AK8: variants seen among roughly 807,000 people sequenced by gnomAD.
AK8 encodes adenylate kinase 8.
In AK8, 44 loss-of-function variants were observed where a neutral mutation model predicts 54.6. The observed-to-expected ratio is 0.81, with a 90% confidence interval of 0.63 to 1.04. The LOEUF (loss-of-function observed/expected upper bound fraction) is 1.04. Among genes scored for constraint, AK8 ranks in the 50% least tolerant of loss-of-function variants. The probability of loss-of-function intolerance (pLI) is 0.00; values close to 1 mark genes in which losing one functional copy is unlikely to be tolerated. For synonymous variants in AK8, 239 were observed against 245.6 expected (o/e 0.97, Z 0.25); for missense variants, 555 against 613.6 (o/e 0.90, Z 1.01).
rs985585093 is a variant in AK8, at chr9:132,799,534, G to C, written c.980-6759C>G. ...ATACATGTCTACACACACGACACCT[G>C]ACACACTACAACACACACAGGCACG... On this transcript the variant is annotated intron_variant, in intron 10 of 12. Coordinates refer to ENST00000298545, the MANE Select transcript of AK8 (RefSeq NM_152572.3). The surrounding 1 kb of genome is among the most constrained non-coding windows in gnomAD (Gnocchi z 5.0). Among the ~76,000 whole-genome samples, 1 of 151,206 alleles carries C rather than the reference G, an allele frequency of 6.6e-6. No homozygotes were observed. Among genetic ancestry groups the C allele is most frequent in the Admixed American group, 6.6e-5 (1 of 15,152 alleles).
At chr9:132,795,404 C>T (rs971103190) in intron 10 of AK8, among the ~76,000 whole-genome samples, 11 of 152,174 alleles carry the variant, frequency 7.2e-5, no homozygotes, top group African/African-American at 2.7e-4. Context: ...GGAGCCAGCT[C>T]TGAGATTACT....
At chr9:132,856,908 T>C (rs561115146) in intron 4 of AK8, among the ~76,000 whole-genome samples, 2 of 152,264 alleles carry the variant, frequency 1.3e-5, no homozygotes, top group South Asian at 2.1e-4. Context: ...GGGGCACCTC[T>C]GCTGGGAACT....
At chr9:132,741,082 C>A (rs1837368468) in intron 11 of AK8, among the ~76,000 whole-genome samples, 1 of 152,184 alleles carries the variant, frequency 6.6e-6, no homozygotes. Flanking sequence ...CCTGGGGGCA[C>A]CCTGGGCAAG....
intron 11 of AK8, among the ~76,000 whole-genome samples, chr9:132,733,618 T>A (rs1323858472): frequency 6.6e-6 from 1 of 152,250 alleles, no homozygotes; most frequent in Admixed American, 6.5e-5. Flanking sequence ...CCCTGCTCCA[T>A]GCTGGAAGCT....
At chr9:132,746,109 G>C (rs143117824) in intron 11 of AK8, among the ~76,000 whole-genome samples, 62 of 151,552 alleles carry the variant, frequency 4.1e-4, no homozygotes, top group African/African-American at 1.5e-3. Context: ...GTGGGGAGCA[G>C]GGTGAGACCA....
chr9:132,810,217 G>T (rs757373539), intron 10 of AK8, among the ~76,000 whole-genome samples: 2 of 152,222 alleles, frequency 1.3e-5, no homozygotes, highest in Non-Finnish European at 2.9e-5. Context: ...AATTTTGTAG[G>T]AAGAGCGAAA....
intron 7 of AK8, chr9:132,827,786 C>CCA (rs1841935434): frequency 1.8e-6 from 1 of 544,162 alleles, no homozygotes; most frequent in Non-Finnish European, 3.3e-6. Flanking sequence ...TCTGGTTCTG[C>CCA]CACAAGAAAG....
At chr9:132,857,339 G>C (rs1198649942) in intron 4 of AK8, among the ~76,000 whole-genome samples, 2 of 152,280 alleles carry the variant, frequency 1.3e-5, no homozygotes, top group East Asian at 3.9e-4. Flanking sequence ...ATCACACCTG[G>C]AGAACCACTG....
At chr9:132,850,045 C>A (rs1842909714) in intron 5 of AK8, among the ~76,000 whole-genome samples, 1 of 148,744 alleles carries the variant, frequency 6.7e-6, no homozygotes, top group African/African-American at 2.5e-5. Context: ...CTGCATTCAA[C>A]CCTAGTACAT....
rs1165795413 is a variant in AK8, at chr9:132,799,127, G to A, written c.980-6352C>T. Among the ~76,000 whole-genome samples the A allele has an allele frequency of 5.9e-5, 9 of 152,188 alleles. No homozygotes were observed. Among genetic ancestry groups the A allele is most frequent in the African/African-American group, 1.7e-4 (7 of 41,442 alleles). Reference sequence around the variant, plus strand: ...GGAGAGAGCACCCAGGCCAGCTTGCGGTTTTCCAGCAGGCACCAGAGGCCC... The same window carrying A: ...GGAGAGAGCACCCAGGCCAGCTTGCAGTTTTCCAGCAGGCACCAGAGGCCC... On this transcript the variant is annotated intron_variant, in intron 10 of 12. Coordinates refer to ENST00000298545, the MANE Select transcript of AK8 (RefSeq NM_152572.3). This position sits in a 1 kb window ranked among gnomAD's most constrained non-coding sequence, Gnocchi z 5.0.
intron 11 of AK8, among the ~76,000 whole-genome samples, chr9:132,751,121 C>T (rs143016925): frequency 4.6e-5 from 7 of 152,022 alleles, no homozygotes; most frequent in African/African-American, 1.4e-4. Flanking sequence ...CCGTGGCTCA[C>T]GCCTGTAATC....
chr9:132,806,006 C>A (rs1840706646), intron 10 of AK8, among the ~76,000 whole-genome samples: 1 of 151,440 alleles, frequency 6.6e-6, no homozygotes, highest in Admixed American at 6.6e-5. Flanking sequence ...TTGGGGGTAC[C>A]AAAGGGACAG....
intron 11 of AK8, among the ~76,000 whole-genome samples, chr9:132,742,179 T>G (rs1837423181): frequency 6.6e-6 from 1 of 151,324 alleles, no homozygotes; most frequent in South Asian, 2.1e-4. Context: ...CTTTTTTTTT[T>G]TTTTTTTTTG....
At chr9:132,839,479 G>A (rs1842448708) in intron 5 of AK8, among the ~76,000 whole-genome samples, 1 of 152,180 alleles carries the variant, frequency 6.6e-6, no homozygotes, top group South Asian at 2.1e-4. Context: ...TGCTTTTGAT[G>A]GGAGAATAGG....
chr9:132,740,553 C>G (rs566254951), intron 11 of AK8, among the ~76,000 whole-genome samples: 1 of 152,252 alleles, frequency 6.6e-6, no homozygotes, highest in South Asian at 2.1e-4. Flanking sequence ...ATAGACATTT[C>G]TAGGGAGGTG....
chr9:132,877,147 G>A (rs1276458301), intron 1 of AK8, among the ~76,000 whole-genome samples: 1 of 152,144 alleles, frequency 6.6e-6, no homozygotes, highest in Non-Finnish European at 1.5e-5. Context: ...CAGACAACAG[G>A]GCTCCAGATG....
chr9:132,753,576 T>C (rs1334795525), intron 11 of AK8, among the ~76,000 whole-genome samples: 1 of 152,190 alleles, frequency 6.6e-6, no homozygotes, highest in Non-Finnish European at 1.5e-5. Context: ...CACATCCTGG[T>C]AGGGAAGGGC....
intron 3 of AK8, among the ~76,000 whole-genome samples, chr9:132,864,511 A>T (rs907363339): frequency 2.6e-5 from 4 of 152,220 alleles, no homozygotes; most frequent in African/African-American, 9.6e-5. Flanking sequence ...CAGCTAGCCC[A>T]GGCAGATCCC....
At chr9:132,868,627 C>G (rs1843690223) in intron 2 of AK8, among the ~76,000 whole-genome samples, 1 of 152,172 alleles carries the variant, frequency 6.6e-6, no homozygotes, top group Non-Finnish European at 1.5e-5. Flanking sequence ...TACTGAGAAA[C>G]AGGTGGAGTT....
Sources: allele counts gnomAD v4.1 joint callset (sites outside exome capture counted in the v4.1 genomes callset), GRCh38; gene constraint gnomAD v4.1.1; non-coding constraint Gnocchi (gnomAD v3.1); transcripts MANE v1.5; gene names NCBI Gene and HGNC (gene_info 2026-07-23, HGNC 2026-07-21).